Variants in KMT5B observed in about 807,000 individuals in gnomAD.
The protein encoded by KMT5B is histone-lysine N-methyltransferase KMT5B.
Under a neutral mutation model 83.2 loss-of-function variants are expected in KMT5B, and 10 were observed. The ratio of observed to expected loss-of-function variants is 0.12; its 90% confidence interval spans 0.07 to 0.20. The LOEUF (loss-of-function observed/expected upper bound fraction) is 0.20, where lower values mean the gene tolerates loss of function less well. KMT5B is among the 10% of genes least tolerant of loss of function. The probability of loss-of-function intolerance (pLI) is 1.00; values close to 1 mark genes in which losing one functional copy is unlikely to be tolerated. For synonymous variants in KMT5B, 349 were observed against 388.8 expected (o/e 0.90, Z 1.20); for missense variants, 753 against 1,067.2 (o/e 0.71, Z 4.10).
At chr11:68,163,268 C>T (rs980506399) in intron 10 of KMT5B, among the ~76,000 whole-genome samples, 3 of 152,140 alleles carry the variant, frequency 2.0e-5, no homozygotes, top group African/African-American at 4.8e-5. Context: ...TCCTAATGAA[C>T]GCCGTTGGAA....
At chr11:68,175,319 A>C (rs974457329) in intron 4 of KMT5B, 136 bp from the exon 5 acceptor site, 1 of 617,686 alleles carries the variant, frequency 1.6e-6, no homozygotes, top group African/African-American at 1.8e-5. Flanking sequence ...AGAGAAGAGA[A>C]CAACAATCAA....
At chr11:68,196,844 T>C (rs1006007702) in intron 1 of KMT5B, among the ~76,000 whole-genome samples, 1 of 152,186 alleles carries the variant, frequency 6.6e-6, no homozygotes, top group Non-Finnish European at 1.5e-5. Flanking sequence ...AACTTATGGA[T>C]AATCATGGAA....
chr11:68,213,312 A>T (rs1342804498), upstream of KMT5B: 1 of 147,570 alleles, frequency 6.8e-6, no homozygotes, highest in Admixed American at 6.7e-5. Flanking sequence ...CGCGGGCCGC[A>T]GCACCGCTCG....
chr11:68,172,264 G>A (rs1465175380), intron 6 of KMT5B, among the ~76,000 whole-genome samples: 2 of 152,006 alleles, frequency 1.3e-5, no homozygotes, highest in African/African-American at 4.8e-5. Flanking sequence ...ACGGAATCTC[G>A]CTCTGTTGCC....
rs954942963 is a variant in KMT5B at position 68,213,173 on chromosome 11, C to G, written c.-112G>C. The G allele has an allele frequency of 2.4e-4, 33 of 140,114 alleles. No individual in the cohort carries two copies. Among genetic ancestry groups the G allele is most frequent in the African/African-American group, 8.0e-4 (31 of 38,922 alleles). 8.7% of individuals were successfully genotyped at this position (140,114 alleles called of 1,614,324 possible). ...GCCCCGCTCCTCCTCGGGGCGCGTC[C>G]CAGGCCCCGCTGCCCGGCCGCTGCG... On this transcript the variant is annotated 5_prime_UTR_variant, in exon 1 of 11. Transcript: ENST00000304363.
intron 4 of KMT5B, among the ~76,000 whole-genome samples, chr11:68,178,175 C>T (rs1360888922): frequency 6.6e-6 from 1 of 152,202 alleles, no homozygotes; most frequent in African/African-American, 2.4e-5. Context: ...TATCTTTACA[C>T]GTTCAATGTG....
chr11:68,161,455 CCT>C (rs1480576142), intron 10 of KMT5B, among the ~76,000 whole-genome samples: 1 of 152,062 alleles, frequency 6.6e-6, no homozygotes, highest in Admixed American at 6.5e-5. Flanking sequence ...TTTGATTTCT[CCT>C]CTTTCCATTC....
intron 10 of KMT5B, among the ~76,000 whole-genome samples, chr11:68,160,543 G>A (rs1854767545): frequency 6.7e-6 from 1 of 149,290 alleles, no homozygotes; most frequent in Non-Finnish European, 1.5e-5. Context: ...CCAACCAAGT[G>A]AGGACCAGGA....
At chr11:68,212,784 C>T (rs1565272437) in intron 1 of KMT5B, 1 of 152,184 alleles carries the variant, frequency 6.6e-6, no homozygotes. Flanking sequence ...GCAGATTGGG[C>T]GAGACGGTTC....
In KMT5B at chr11:68,175,048, A is replaced by C; in HGVS notation, c.513T>G (p.Asn171Lys). ...EWARHYFLNK[N>K]KMQEKLFKEH... ...CTTTGAATAATTTCTCCTGCATTTT[A>C]TTCTTGTTGAGAAAATAGTGCCGTG... is the stretch of plus-strand genomic sequence containing the variant. Residue 171 changes from asparagine to lysine, a missense_variant, in exon 5 of 11, where the codon AAT becomes AAG. Asn to Lys is a moderately conservative substitution (Grantham distance 94). Coordinates refer to ENST00000304363, the MANE Select transcript of KMT5B (RefSeq NM_017635.5). The C allele has an allele frequency of 6.2e-7, 1 of 1,613,962 alleles. No homozygotes were observed. Among genetic ancestry groups the C allele is most frequent in the South Asian group, 1.1e-5 (1 of 91,050 alleles).
At chr11:68,185,685 G>T in intron 3 of KMT5B, 96 bp downstream of exon 3, 1 of 1,289,510 alleles carries the variant, frequency 7.8e-7, no homozygotes, top group South Asian at 1.6e-5. Flanking sequence ...TTCCTTTAAT[G>T]TCATTTTAAA....
intron 1 of KMT5B, among the ~76,000 whole-genome samples, chr11:68,212,305 C>A (rs1358220593): frequency 6.6e-6 from 1 of 152,180 alleles, no homozygotes; most frequent in Non-Finnish European, 1.5e-5. Flanking sequence ...GCCCTCTATT[C>A]TAAGGAAAAC....
chr11:68,166,058 T>C (rs1020585291), intron 10 of KMT5B: 12 of 1,561,888 alleles, frequency 7.7e-6, no homozygotes, highest in Non-Finnish European at 9.5e-6. Flanking sequence ...GAAGTCTCAC[T>C]GGACATTTAA....
intron 1 of KMT5B, among the ~76,000 whole-genome samples, chr11:68,209,215 A>G (rs1393360444): frequency 6.6e-6 from 1 of 152,230 alleles, no homozygotes; most frequent in Non-Finnish European, 1.5e-5. Context: ...CAAATCAGAC[A>G]GGCAAAACAA....
chr11:68,196,081 C>T (rs527467399), intron 1 of KMT5B, among the ~76,000 whole-genome samples: 3 of 152,222 alleles, frequency 2.0e-5, no homozygotes, highest in Admixed American at 6.5e-5. Context: ...CACTTGAGCC[C>T]AGGAGATGGA....
chr11:68,208,360 T>C (rs988890180), intron 1 of KMT5B, among the ~76,000 whole-genome samples: 11 of 151,762 alleles, frequency 7.2e-5, no homozygotes, highest in Admixed American at 2.6e-4. Context: ...GGCAGGAGAA[T>C]TGCATGAACC....
intron 10 of KMT5B, among the ~76,000 whole-genome samples, chr11:68,165,211 A>C (rs1855206440): frequency 6.6e-6 from 1 of 152,178 alleles, no homozygotes; most frequent in Admixed American, 6.5e-5. Flanking sequence ...TTTAAAAATC[A>C]CAGGTCTCTG....
At chr11:68,189,826 G>C in intron 2 of KMT5B, 91 bp downstream of exon 2, 1 of 1,298,546 alleles carries the variant, frequency 7.7e-7, no homozygotes, top group Non-Finnish European at 1.0e-6. Flanking sequence ...AATTATTTAA[G>C]ACAAAAGAAA....
At chr11:68,206,786 A>G (rs1322571790) in intron 1 of KMT5B, among the ~76,000 whole-genome samples, 1 of 152,114 alleles carries the variant, frequency 6.6e-6, no homozygotes, top group Non-Finnish European at 1.5e-5. Context: ...ATTCCCCACC[A>G]TAACTCACAC....
Sources: gnomAD v4.1 joint callset for allele counts (sites outside exome capture counted in the v4.1 genomes callset) on GRCh38, gnomAD v4.1.1 for gene constraint, MANE v1.5 for transcripts, NCBI Gene and HGNC (gene_info 2026-07-23, HGNC 2026-07-21) for gene names.